Variants in SZT2 observed in about 807,000 individuals in gnomAD.
The protein encoded by SZT2 is KICSTOR complex protein SZT2.
Under a neutral mutation model 404.2 loss-of-function variants are expected in SZT2, and 216 were observed. The ratio of observed to expected loss-of-function variants is 0.53; its 90% CI spans 0.48 to 0.60. The LOEUF (loss-of-function observed/expected upper bound fraction) is 0.60. SZT2 is among the 20% of genes least tolerant of loss of function. The probability of loss-of-function intolerance (pLI) is 0.00; values close to 1 mark genes in which losing one functional copy is unlikely to be tolerated. For synonymous variants in SZT2, 1,693 were observed against 1,749.9 expected (o/e 0.97, Z 0.81); for missense variants, 3,857 against 4,459.2 (o/e 0.86, Z 3.85).
chr1:43,430,736 G>T lies in SZT2; in HGVS notation c.4721G>T (p.Arg1574Leu), dbSNP rs532357677. ...TTCCTGCACCTCACGTGCTCCGTGC[G>T]GCTACGTGGGCAGCACAGCTCAGTA... ...PLFLHLTCSV[R>L]LRGQHSSVPV... is the part of the protein sequence containing the mutation. The change falls in exon 32 of 72, where the codon CGG becomes CTG. Residue 1574 changes from arginine (R) to leucine (L), a missense_variant. Coordinates refer to ENST00000634258, the MANE Select transcript of SZT2 (RefSeq NM_001365999.1). 6.2e-7 allele frequency: 1 copy of T among 1,612,884 alleles called. No individual in the cohort carries two copies. The highest frequency in any genetic ancestry group is 1.6e-4 in the Middle Eastern group (1 of 6,062).
intron 32 of SZT2, 50 bp from the exon 33 acceptor site, chr1:43,430,899 T>C: frequency 6.3e-7 from 1 of 1,590,626 alleles, no homozygotes; most frequent in Non-Finnish European, 8.6e-7. Context: ...TCTTGGAATC[T>C]GTGCTTGTCT....
At chr1:43,395,581 A>G (rs911837766) in intron 1 of SZT2, among the ~76,000 whole-genome samples, 19 of 152,354 alleles carry the variant, frequency 1.2e-4, no homozygotes, top group African/African-American at 4.6e-4. Flanking sequence ...AATTGCAGGC[A>G]TGGGCCACTG....
chr1:43,394,372 T>A (rs1013607860), intron 1 of SZT2, among the ~76,000 whole-genome samples: 1 of 151,954 alleles, frequency 6.6e-6, no homozygotes, highest in African/African-American at 2.4e-5. Flanking sequence ...CAGCACCCAG[T>A]CTGGAGCCCA....
Position 43,439,748 on chromosome 1 carries a change from G to C in SZT2, c.7021G>C (p.Val2341Leu), listed in dbSNP as rs1322824971. The C allele has an allele frequency of 6.2e-7, 1 of 1,601,704 alleles. No individual in the cohort carries two copies. The highest frequency in any genetic ancestry group is 1.1e-5 in the South Asian group (1 of 89,220). Reference sequence around the variant, plus strand: ...ACTGACCCAGGTCATCCGCTGCCCGGTTGTTGTGGACAGTTCTTCAGGTGG... The same window carrying C: ...ACTGACCCAGGTCATCCGCTGCCCGCTTGTTGTGGACAGTTCTTCAGGTGG... ...EQLTQVIRCP[V>L]VVDSSSAQNG... Residue 2341 changes from valine (V) to leucine (L), a missense_variant, in exon 50 of 72, where the codon GTT (valine) becomes CTT (leucine). Around this residue, in one of 7 missense-constraint regions of SZT2, gnomAD observed 573 missense variants for 592.4 expected, o/e 0.97. Coordinates refer to ENST00000634258, the MANE Select transcript of SZT2 (RefSeq NM_001365999.1). This position sits in a 1 kb window ranked among gnomAD's most constrained non-coding sequence, Gnocchi z 4.2.
chr1:43,431,219 G>A (rs1345417735), intron 33 of SZT2, 46 bp from the exon 34 acceptor site: 1 of 1,564,186 alleles, frequency 6.4e-7, no homozygotes, highest in African/African-American at 1.4e-5. Context: ...GGAGGCCCTG[G>A]TAGGATAGTA....
chr1:43,401,654 T>G (rs1342929540), intron 1 of SZT2, among the ~76,000 whole-genome samples: 1 of 151,972 alleles, frequency 6.6e-6, no homozygotes, highest in Non-Finnish European at 1.5e-5. Flanking sequence ...CCTAGCTAAT[T>G]TTTGTATTTT....
At position 43,451,546 on chromosome 1, in the gene SZT2, T is replaced by C; in HGVS notation, c.*1066T>C. 6.2e-7 allele frequency: 1 copy of C among 1,613,756 alleles called. No homozygotes were observed. Among genetic ancestry groups the C allele is most frequent in the Non-Finnish European group, 8.5e-7 (1 of 1,179,822 alleles). On this transcript the variant is annotated 3_prime_UTR_variant, in exon 72 of 72. Coordinates refer to ENST00000634258, the MANE Select transcript of SZT2 (RefSeq NM_001365999.1). ...GGACCTGTGCCACCTGCACATGCCCTGGGGACAGATGTGGACAAATGTGGG... is the reference window on the plus strand; with the variant it reads ...GGACCTGTGCCACCTGCACATGCCCCGGGGACAGATGTGGACAAATGTGGG...
At position 43,452,725 on chromosome 1, in the gene SZT2, T is replaced by C. The variant is rs191827274; in HGVS notation, c.*2245T>C. The C allele has an allele frequency of 1.6e-6, 1 of 638,154 alleles. No homozygotes were observed. Among genetic ancestry groups the C allele is most frequent in the Admixed American group, 2.6e-5 (1 of 37,878 alleles). 39.5% of individuals were successfully genotyped at this position (638,154 alleles called of 1,614,324 possible). A position where few individuals can be genotyped will look rare whatever the true frequency, so the allele number is the denominator to read the frequency against. On this transcript the variant is annotated 3_prime_UTR_variant, in exon 72 of 72. Transcript: ENST00000634258. ...TCCCATCTGTTTTCTGCCCCCACCA[T>C]TGACCAGTAGTGATCCCCTCTTGCC...
chr1:43,415,885 A>G (rs1031618147), intron 5 of SZT2, 75 bp from the exon 6 acceptor site: 7 of 1,502,710 alleles, frequency 4.7e-6, no homozygotes, highest in Non-Finnish European at 5.3e-6. Flanking sequence ...GTGCTGGGCT[A>G]TAAATTCTGG....
In SZT2 at chr1:43,430,437, C is replaced by T. The variant is rs771881811; in HGVS notation, c.4480+48C>T. On this transcript the variant is annotated intron_variant, in intron 31 of 71. Transcript: ENST00000634258. ...GTGGGGAAGGCTGGCTGCTTCACGC[C>T]GAGATTCAAGGGTTCCACTGCCAGC... 23 of 1,602,934 alleles carry T rather than the reference C, an allele frequency of 1.4e-5. No homozygotes were observed. The African/African-American group carries it at 2.0e-4, about 14-fold the overall frequency.
chr1:43,446,085 C>T (rs1655631237), intron 63 of SZT2, 94 bp from the exon 64 acceptor site: 3 of 1,584,526 alleles, frequency 1.9e-6, no homozygotes, highest in Non-Finnish European at 2.6e-6. Context: ...TGATCCCAGA[C>T]TGACACCATT....
At position 43,433,065 on chromosome 1, in the gene SZT2, G is replaced by A. The variant is rs375332518; in HGVS notation, c.5679G>A (p.Leu1893=). The A allele has an allele frequency of 1.9e-6, 3 of 1,613,976 alleles. No individual in the cohort carries two copies. The highest frequency in any genetic ancestry group is 2.5e-6 in the Non-Finnish European group (3 of 1,180,024). ...TTGGTGAGAAGGCCCCCTTCACATTGCGGACTCCACCTGGGCCAGCACCTC... is the reference window on the plus strand; with the variant it reads ...TTGGTGAGAAGGCCCCCTTCACATTACGGACTCCACCTGGGCCAGCACCTC... The part of the protein sequence containing the change: ...DTLGEKAPFT[L]RTPPGPAPPQ... The change falls in exon 40 of 72, where the codon TTG becomes TTA. Residue 1893 remains leucine, a synonymous_variant. Coordinates refer to ENST00000634258, the MANE Select transcript of SZT2 (RefSeq NM_001365999.1).
At chr1:43,398,926 A>G (rs1269265818) in intron 1 of SZT2, among the ~76,000 whole-genome samples, 1 of 152,068 alleles carries the variant, frequency 6.6e-6, no homozygotes, top group African/African-American at 2.4e-5. Context: ...TTAAAAATAC[A>G]AAAAATAGCC....
At chr1:43,403,325 G>C (rs1449128945) in intron 2 of SZT2, 23 bp downstream of exon 2, 2 of 1,607,862 alleles carry the variant, frequency 1.2e-6, no homozygotes, top group Admixed American at 3.4e-5. Flanking sequence ...CACACGAAAG[G>C]TGTGAGGGGC....
At chr1:43,423,545 GTGGGGTATGAGTGGTA>G (rs1461064569) in intron 15 of SZT2, among the ~76,000 whole-genome samples, 806 of 148,776 alleles carry the variant, frequency 5.4e-3, no homozygotes, top group African/African-American at 0.019. Flanking sequence ...GCGTGGCTTA[GTGGGGTATGAGTGGTA>G]CAGAGGTGTG....
intron 1 of SZT2, among the ~76,000 whole-genome samples, chr1:43,397,760 C>G (rs1370079472): frequency 6.6e-6 from 1 of 152,086 alleles, no homozygotes; most frequent in African/African-American, 2.4e-5. Flanking sequence ...AGCTCCTGGC[C>G]TCAGGTCATC....
At chr1:43,413,119 A>G (rs1651275583) in intron 4 of SZT2, among the ~76,000 whole-genome samples, 1 of 152,218 alleles carries the variant, frequency 6.6e-6, no homozygotes, top group African/African-American at 2.4e-5. Flanking sequence ...AAAACAAAAT[A>G]GGCTGGGCAC....
In SZT2 at chr1:43,452,246, A is replaced by G; in HGVS notation, c.*1766A>G. 6.2e-7 allele frequency: 1 copy of G among 1,614,052 alleles called. No individual in the cohort carries two copies. The highest frequency in any genetic ancestry group is 8.5e-7 in the Non-Finnish European group (1 of 1,179,970). ...GCTGCATGCCTCAGGTTCTCCAGAA[A>G]AACGGCCTCCATCTCAGCCTTGACT... On this transcript the variant is annotated 3_prime_UTR_variant, in exon 72 of 72. Coordinates refer to ENST00000634258, the MANE Select transcript of SZT2 (RefSeq NM_001365999.1).
At position 43,452,553 on chromosome 1, in the gene SZT2, C is replaced by G. The variant is rs1656560145; in HGVS notation, c.*2073C>G. Reference sequence around the variant, plus strand: ...CACCGCCTCCTGCCTCCAGTACTTTCCAAAACCTTTCCTTCCCTCGGTCCT... The same window carrying G: ...CACCGCCTCCTGCCTCCAGTACTTTGCAAAACCTTTCCTTCCCTCGGTCCT... On this transcript the variant is annotated 3_prime_UTR_variant, in exon 72 of 72. Transcript: ENST00000634258. 1.6e-6 allele frequency: 1 copy of G among 629,722 alleles called. No homozygotes were observed. The highest frequency in any genetic ancestry group is 1.8e-5 in the African/African-American group (1 of 55,076). 39.0% of individuals were successfully genotyped at this position (629,722 alleles called of 1,614,324 possible). A position where few individuals can be genotyped will look rare whatever the true frequency, so the allele number is the denominator to read the frequency against.
Sources: gnomAD v4.1 joint callset for allele counts (sites outside exome capture counted in the v4.1 genomes callset) on GRCh38, gnomAD v4.1.1 for gene constraint, gnomAD v4.1.1 regional missense constraint, Gnocchi (gnomAD v3.1) non-coding constraint, MANE v1.5 for transcripts, NCBI Gene and HGNC (gene_info 2026-07-23, HGNC 2026-07-21) for gene names.